SCN10A: variants seen among roughly 807,000 people sequenced by gnomAD.
SCN10A encodes the protein sodium channel protein type 10 subunit alpha.
In SCN10A, 162 loss-of-function variants were observed where a neutral mutation model predicts 170.7. That is an observed-to-expected ratio of 0.95 (90% CI 0.84 to 1.08). SCN10A has a LOEUF of 1.08. Among genes scored for constraint, SCN10A ranks in the 50% least tolerant of loss-of-function variants. The probability of loss-of-function intolerance (pLI) is 0.00; values close to 1 mark genes in which losing one functional copy is unlikely to be tolerated. For synonymous variants in SCN10A, 985 were observed against 904.6 expected, an observed-to-expected ratio of 1.09 and a Z score of -1.59; for missense variants, 2,527 against 2,436.9, an observed-to-expected ratio of 1.04 and a Z score of -0.78.
chr3:38,756,608 T>G, intron 10 of SCN10A, 66 bp downstream of exon 10: 1 of 1,357,040 alleles, frequency 7.4e-7, no homozygotes. Flanking sequence ...AAGTGGCTAG[T>G]CCAGAACAGT....
intron 1 of SCN10A, among the ~76,000 whole-genome samples, chr3:38,815,142 T>C (rs1342638382): frequency 8.5e-5 from 13 of 152,156 alleles, no homozygotes; most frequent in Non-Finnish European, 4.4e-5. Flanking sequence ...ACCACAGAAA[T>C]TTCTGAATGA....
At position 38,723,071 on chromosome 3, in the gene SCN10A, C is replaced by T. The variant is rs548695367; in HGVS notation, c.3352+359G>A. 1.4e-4 allele frequency among the ~76,000 whole-genome samples: 21 copies of T among 152,286 alleles called. No homozygotes were observed. In the South Asian group the frequency reaches 1.7e-3, roughly 12 times the overall value. ...TTGAGGGAAGCAGATACATCATGGC[C>T]TTCCTCTGGGTCCTTCATGGTCCAA... On this transcript the variant is annotated intron_variant, in intron 19 of 27. Coordinates refer to ENST00000449082, the MANE Select transcript of SCN10A (RefSeq NM_006514.4).
At chr3:38,745,275 A>T (rs1192521327) in intron 13 of SCN10A, among the ~76,000 whole-genome samples, 1 of 152,148 alleles carries the variant, frequency 6.6e-6, no homozygotes, top group East Asian at 1.9e-4. Flanking sequence ...AAAATTGATA[A>T]CAGAGAGAAC....
intron 15 of SCN10A, among the ~76,000 whole-genome samples, chr3:38,737,562 C>T (rs2063578277): frequency 6.6e-6 from 1 of 152,190 alleles, no homozygotes; most frequent in South Asian, 2.1e-4. Flanking sequence ...CATCAACCAG[C>T]GTTTCATGGC....
intron 4 of SCN10A, among the ~76,000 whole-genome samples, chr3:38,780,619 T>C (rs1322514597): frequency 6.6e-6 from 1 of 152,156 alleles, no homozygotes; most frequent in African/African-American, 2.4e-5. Flanking sequence ...TGTGACCATG[T>C]TATACATCAT....
At chr3:38,758,808 C>T (rs181665883) in intron 8 of SCN10A, among the ~76,000 whole-genome samples, 14 of 152,214 alleles carry the variant, frequency 9.2e-5, no homozygotes, top group Non-Finnish European at 1.2e-4. Flanking sequence ...CAGGCCTGGC[C>T]TCTCAGGGAG....
intron 1 of SCN10A, among the ~76,000 whole-genome samples, chr3:38,805,981 G>A (rs974376450): frequency 6.6e-6 from 1 of 152,128 alleles, no homozygotes; most frequent in Non-Finnish European, 1.5e-5. Context: ...GCTAGTGAGC[G>A]CCTAGTCTGG....
At chr3:38,797,405 G>T (rs1482374517) in intron 1 of SCN10A, among the ~76,000 whole-genome samples, 1 of 152,104 alleles carries the variant, frequency 6.6e-6, no homozygotes, top group Non-Finnish European at 1.5e-5. Context: ...TCTTCTGAGA[G>T]CTTTCCCTCA....
At chr3:38,732,166 C>T (rs2063519200) in intron 15 of SCN10A, among the ~76,000 whole-genome samples, 1 of 152,248 alleles carries the variant, frequency 6.6e-6, no homozygotes, top group African/African-American at 2.4e-5. Context: ...AGTCTCCATT[C>T]ACTTTTCTCC....
intron 13 of SCN10A, among the ~76,000 whole-genome samples, chr3:38,744,929 C>T (rs138738471): frequency 3.3e-5 from 5 of 152,178 alleles, no homozygotes; most frequent in African/African-American, 1.2e-4. Flanking sequence ...TTAGAAACTA[C>T]AGATGTCCAA....
At chr3:38,781,449 G>A (rs1410810017) in intron 4 of SCN10A, among the ~76,000 whole-genome samples, 2 of 152,134 alleles carry the variant, frequency 1.3e-5, no homozygotes, top group African/African-American at 2.4e-5. Context: ...CACAACAACC[G>A]ACTGCATGTC....
At chr3:38,764,945 TC>T (rs1447816522) in intron 5 of SCN10A, among the ~76,000 whole-genome samples, 1 of 152,224 alleles carries the variant, frequency 6.6e-6, no homozygotes, top group Non-Finnish European at 1.5e-5. Flanking sequence ...AATTTGCATT[TC>T]CCTGATAATT....
At chr3:38,795,377 G>A (rs2064333991) in intron 1 of SCN10A, among the ~76,000 whole-genome samples, 1 of 127,556 alleles carries the variant, frequency 7.8e-6, no homozygotes. Context: ...GGGTATCACT[G>A]TCACCCGGAC....
At chr3:38,757,264 C>G (rs1248499223) in intron 8 of SCN10A, 105 bp from the exon 9 acceptor site, 9 of 1,108,700 alleles carry the variant, frequency 8.1e-6, no homozygotes, top group Non-Finnish European at 1.2e-5. Context: ...AGTTCAAGAC[C>G]TAGTCTTCCT....
At chr3:38,702,140 C>A (rs1332145316) in intron 26 of SCN10A, 31 bp from the exon 27 acceptor site, 2 of 1,523,702 alleles carry the variant, frequency 1.3e-6, no homozygotes. Flanking sequence ...GGCATCAGGG[C>A]CTTTGGGCCA....
chr3:38,736,174 G>C (rs1438402013), intron 15 of SCN10A, among the ~76,000 whole-genome samples: 3 of 152,236 alleles, frequency 2.0e-5, no homozygotes, highest in Admixed American at 6.5e-5. Context: ...GAAGAAGAGA[G>C]AGTAGGCCTT....
chr3:38,770,105 A>T (rs1162218628), intron 5 of SCN10A, among the ~76,000 whole-genome samples: 1 of 152,212 alleles, frequency 6.6e-6, no homozygotes, highest in Admixed American at 6.5e-5. Context: ...TGTTGCAGGC[A>T]GTGCAACTGG....
At chr3:38,769,534 C>T (rs1279642374) in intron 5 of SCN10A, among the ~76,000 whole-genome samples, 1 of 152,264 alleles carries the variant, frequency 6.6e-6, no homozygotes, top group East Asian at 1.9e-4. Context: ...AGCTACTGTG[C>T]CCAGCCCTGA....
chr3:38,733,035 AGAAAGGCATGGG>A (rs2063526922), intron 15 of SCN10A, among the ~76,000 whole-genome samples: 1 of 152,210 alleles, frequency 6.6e-6, no homozygotes, highest in Non-Finnish European at 1.5e-5. Context: ...CTTGTGCAAG[AGAAAGGCATGGG>A]GAAAGGAAAG....
Sources: allele counts gnomAD v4.1 joint callset (sites outside exome capture counted in the v4.1 genomes callset), GRCh38; gene constraint gnomAD v4.1.1; transcripts MANE v1.5; gene names NCBI Gene and HGNC (gene_info 2026-07-23, HGNC 2026-07-21).